Variants in CSMD1 observed in about 807,000 individuals in gnomAD.
CSMD1 encodes CUB and Sushi multiple domains 1, also known as CUB and sushi domain-containing protein 1.
A neutral mutation model predicts 417.5 loss-of-function variants in CSMD1; 213 were observed. The observed-to-expected ratio is 0.51, with a 90% CI of 0.46 to 0.57. The LOEUF is 0.57. CSMD1 is among the 20% of genes least tolerant of loss of function. CSMD1 has a pLI of 0.00. For synonymous variants in CSMD1, 2,862 were observed against 1,736.8 expected, an observed-to-expected ratio of 1.65 and a Z score of -16.11; for missense variants, 6,923 against 4,529.7, an observed-to-expected ratio of 1.53 and a Z score of -15.17.
chr8:4,050,445 T>G (rs1040572310), intron 3 of CSMD1, among the ~76,000 whole-genome samples: 1 of 152,162 alleles, frequency 6.6e-6, no homozygotes, highest in African/African-American at 2.4e-5. Context: ...TACATACTTA[T>G]GGGGTACATA....
At chr8:4,453,560 C>A (rs748165642) in intron 2 of CSMD1, among the ~76,000 whole-genome samples, 2 of 152,180 alleles carry the variant, frequency 1.3e-5, no homozygotes, top group Non-Finnish European at 2.9e-5. Flanking sequence ...ACTTGGGCCA[C>A]ATGACTGGCT....
intron 3 of CSMD1, among the ~76,000 whole-genome samples, chr8:4,327,469 G>T (rs898613104): frequency 6.6e-6 from 1 of 152,154 alleles, no homozygotes; most frequent in Non-Finnish European, 1.5e-5. Context: ...CTGCCTGTAG[G>T]TAACTGGGGA....
intron 5 of CSMD1, among the ~76,000 whole-genome samples, chr8:3,764,538 G>T (rs907441831): frequency 9.9e-5 from 15 of 152,174 alleles, no homozygotes; most frequent in Non-Finnish European, 1.9e-4. Context: ...ACATCACCAG[G>T]TGGGGAGTAC....
intron 1 of CSMD1, among the ~76,000 whole-genome samples, chr8:4,958,861 A>G (rs1232110737): frequency 6.6e-6 from 1 of 152,200 alleles, no homozygotes; most frequent in Non-Finnish European, 1.5e-5. Flanking sequence ...AGTCAAAGAA[A>G]GCAGGTAATT....
At chr8:3,519,478 G>C (rs1797413068) in intron 10 of CSMD1, among the ~76,000 whole-genome samples, 2 of 152,136 alleles carry the variant, frequency 1.3e-5, no homozygotes, top group South Asian at 4.1e-4. Context: ...GCTCACAATT[G>C]AGACTACATT....
At chr8:4,737,584 C>A (rs185647376) in intron 1 of CSMD1, among the ~76,000 whole-genome samples, 3 of 152,110 alleles carry the variant, frequency 2.0e-5, no homozygotes, top group Non-Finnish European at 2.9e-5. Context: ...CAAAGACTCA[C>A]CTTCTTCATC....
chr8:4,201,120 A>C (rs192301963), intron 3 of CSMD1, among the ~76,000 whole-genome samples: 1 of 152,226 alleles, frequency 6.6e-6, no homozygotes, highest in Non-Finnish European at 1.5e-5. Context: ...GTGACTTTGC[A>C]TATCAATTAC....
chr8:4,953,428 A>C (rs1414489541), intron 1 of CSMD1, among the ~76,000 whole-genome samples: 2 of 152,176 alleles, frequency 1.3e-5, no homozygotes, highest in African/African-American at 4.8e-5. Flanking sequence ...AAAATCATTA[A>C]GATTAACACT....
intron 10 of CSMD1, among the ~76,000 whole-genome samples, chr8:3,542,341 T>A (rs965444781): frequency 6.6e-6 from 1 of 152,256 alleles, no homozygotes; most frequent in Non-Finnish European, 1.5e-5. Context: ...TCATTCAGAA[T>A]CTTCAATTCT....
At chr8:4,048,732 T>G (rs1229957556) in intron 3 of CSMD1, among the ~76,000 whole-genome samples, 2 of 152,230 alleles carry the variant, frequency 1.3e-5, no homozygotes, top group African/African-American at 4.8e-5. Flanking sequence ...CATACATGTA[T>G]ATCTATAGAA....
chr8:3,374,924 G>A (rs1457353268), intron 18 of CSMD1, among the ~76,000 whole-genome samples: 1 of 152,164 alleles, frequency 6.6e-6, no homozygotes, highest in Admixed American at 6.5e-5. Context: ...CTCAGAAATT[G>A]AATTCAACAA....
intron 5 of CSMD1, among the ~76,000 whole-genome samples, chr8:3,985,499 C>A (rs1438109801): frequency 2.0e-5 from 3 of 152,070 alleles, no homozygotes; most frequent in Non-Finnish European, 2.9e-5. Context: ...AGTCTCCATC[C>A]CAAATGTTTC....
At chr8:4,095,291 A>C (rs748670243) in intron 3 of CSMD1, among the ~76,000 whole-genome samples, 1 of 152,178 alleles carries the variant, frequency 6.6e-6, no homozygotes, top group Non-Finnish European at 1.5e-5. Flanking sequence ...GTAACCTTTA[A>C]TATCAATTCT....
At chr8:4,616,249 G>A (rs939699312) in intron 2 of CSMD1, among the ~76,000 whole-genome samples, 2 of 152,064 alleles carry the variant, frequency 1.3e-5, no homozygotes, top group South Asian at 4.1e-4. Context: ...AAAAAAACAA[G>A]AGGAATGGTT....
chr8:4,559,858 C>T (rs1266278616), intron 2 of CSMD1, among the ~76,000 whole-genome samples: 1 of 152,214 alleles, frequency 6.6e-6, no homozygotes, highest in Non-Finnish European at 1.5e-5. Flanking sequence ...CCACTTCATG[C>T]CCCTTCTCCA....
At chr8:4,377,572 C>T (rs947194781) in intron 3 of CSMD1, among the ~76,000 whole-genome samples, 1 of 152,058 alleles carries the variant, frequency 6.6e-6, no homozygotes, top group Non-Finnish European at 1.5e-5. Flanking sequence ...CTGGACTTTG[C>T]GAAGAAGCCA....
At chr8:4,653,676 G>T (rs958388308) in intron 1 of CSMD1, among the ~76,000 whole-genome samples, 1 of 152,046 alleles carries the variant, frequency 6.6e-6, no homozygotes, top group Non-Finnish European at 1.5e-5. Context: ...GAGTTAAGTT[G>T]CCCCAGGCTG....
chr8:4,351,419 T>A (rs1801085753), intron 3 of CSMD1, among the ~76,000 whole-genome samples: 1 of 152,228 alleles, frequency 6.6e-6, no homozygotes, highest in African/African-American at 2.4e-5. Flanking sequence ...TTATACCAAG[T>A]AAGGTAAGAA....
At chr8:4,284,882 C>T (rs190645726) in intron 3 of CSMD1, among the ~76,000 whole-genome samples, 2 of 152,120 alleles carry the variant, frequency 1.3e-5, no homozygotes, top group South Asian at 2.1e-4. Flanking sequence ...TTAAAAAACA[C>T]TTTTCTGTCT....
Sources: gnomAD v4.1 joint callset for allele counts (sites outside exome capture counted in the v4.1 genomes callset) on GRCh38, gnomAD v4.1.1 for gene constraint, MANE v1.5 for transcripts, NCBI Gene and HGNC (gene_info 2026-07-23, HGNC 2026-07-21) for gene names.